PRKACA: variants seen among roughly 807,000 people sequenced by gnomAD.
PRKACA encodes the protein protein kinase cAMP-activated catalytic subunit alpha, also known as cAMP-dependent protein kinase catalytic subunit alpha.
In PRKACA, 9 loss-of-function variants were observed where a neutral mutation model predicts 45.8. The observed-to-expected ratio is 0.20, with a 90% CI of 0.12 to 0.34. The LOEUF (loss-of-function observed/expected upper bound fraction) is 0.34, where lower values mean the gene tolerates loss of function less well. Ranked by LOEUF, PRKACA falls within the 10% of genes least tolerant of loss-of-function variation. The pLI is 1.00. For missense variants in PRKACA, 238 were observed against 458.6 expected (o/e 0.52, Z 4.39); for synonymous variants, 160 against 178.6 (o/e 0.90, Z 0.83).
rs1967141845 is a variant in PRKACA, at chr19:14,117,721, C to G, written c.-174G>C. 5.2e-6 allele frequency: 1 copy of G among 191,508 alleles called. No homozygotes were observed. Among genetic ancestry groups the G allele is most frequent in the Admixed American group, 6.6e-5 (1 of 15,246 alleles). 11.9% of individuals were successfully genotyped at this position (191,508 alleles called of 1,614,324 possible). ...TGCTTCCCGCGTCTCTCCGCGCCCG[C>G]CCGCCCGGGAACCTCAGCCCAAGAT... On this transcript the variant is annotated 5_prime_UTR_variant, in exon 1 of 10. Coordinates refer to ENST00000308677, the MANE Select transcript of PRKACA (RefSeq NM_002730.4).
chr19:14,114,884 G>A (rs903801416), intron 1 of PRKACA, among the ~76,000 whole-genome samples: 8 of 152,156 alleles, frequency 5.3e-5, no homozygotes, highest in Non-Finnish European at 8.8e-5. Context: ...GGGACTGCAG[G>A]ATGCTTAACT....
chr19:14,102,471 A>G (rs983233006), intron 4 of PRKACA, among the ~76,000 whole-genome samples: 2 of 152,300 alleles, frequency 1.3e-5, no homozygotes, highest in East Asian at 3.9e-4. Flanking sequence ...GGGGCCACAC[A>G]TCAAGAAGTA....
chr19:14,114,141 G>T (rs1465072535), intron 1 of PRKACA: 2 of 1,611,568 alleles, frequency 1.2e-6, no homozygotes, highest in South Asian at 1.1e-5. Context: ...CACCATCGCT[G>T]GAGTTGGAAG....
chr19:14,097,277 A>T lies in PRKACA; in HGVS notation c.765+84T>A, dbSNP rs767060410. The T allele has an allele frequency of 1.9e-6, 3 of 1,597,790 alleles. No homozygotes were observed. The highest frequency in any genetic ancestry group is 3.3e-4 in the Middle Eastern group (2 of 6,022). On this transcript the variant is annotated intron_variant, in intron 8 of 9. Coordinates refer to ENST00000308677, the MANE Select transcript of PRKACA (RefSeq NM_002730.4). The surrounding 1 kb of genome is among the most constrained non-coding windows in gnomAD (Gnocchi z 5.4). The stretch of plus-strand genomic sequence containing the variant: ...GGAACTTCTAGATTATTCTGACAAC[A>T]AGCAGGGCTCCCCAGGGAATAGGAT...
intron 1 of PRKACA, among the ~76,000 whole-genome samples, chr19:14,110,879 G>A (rs1222689764): frequency 4.6e-5 from 7 of 152,216 alleles, no homozygotes; most frequent in Admixed American, 3.3e-4. Flanking sequence ...TGGTTTCAGT[G>A]CTGAGTCCAG....
rs41296270 is a variant in PRKACA, at chr19:14,106,170, CA to C, written c.237+589del. 2.4e-3 allele frequency among the ~76,000 whole-genome samples: 361 copies of C among 151,992 alleles called. 3 individuals carry two copies. The highest frequency in any genetic ancestry group is 7.7e-3 in the African/African-American group (318 of 41,436). On this transcript the variant is annotated intron_variant, in intron 3 of 9. Coordinates refer to ENST00000308677, the MANE Select transcript of PRKACA (RefSeq NM_002730.4). ...TTCAAGACCAGCCTGGGCAACACAG[CA>C]AGACCCCCTGTCTAAAACAAAAAAC... is the stretch of plus-strand genomic sequence containing the variant.
chr19:14,102,683 C>G, intron 4 of PRKACA, 133 bp downstream of exon 4: 2 of 766,398 alleles, frequency 2.6e-6, no homozygotes, highest in South Asian at 3.2e-5. Flanking sequence ...CCCTGATCTC[C>G]CTCCTCCAGG....
intron 1 of PRKACA, chr19:14,114,217 C>T (rs898670632): frequency 8.8e-6 from 14 of 1,585,262 alleles, no homozygotes; most frequent in South Asian, 1.1e-5. Context: ...TGAGACCTGC[C>T]GTGTCTGTTC....
rs1238814568 is a variant in PRKACA, at chr19:14,097,986, C to T, written c.420-96G>A. Reference sequence around the variant, plus strand: ...GAGCCTACCCCAGAGGAAGACACCTCCAGTCCAGCCGTCAGAAACGCAAGG... The same window carrying T: ...GAGCCTACCCCAGAGGAAGACACCTTCAGTCCAGCCGTCAGAAACGCAAGG... On this transcript the variant is annotated intron_variant, in intron 5 of 9. Transcript: ENST00000308677. The surrounding 1 kb of genome is among the most constrained non-coding windows in gnomAD (Gnocchi z 5.4). 6.7e-7 allele frequency: 1 copy of T among 1,495,508 alleles called. No homozygotes were observed. The highest frequency in any genetic ancestry group is 9.1e-7 in the Non-Finnish European group (1 of 1,095,666). The allele number at this position is 1,495,508 out of a possible 1,614,324, so 92.6% of individuals were successfully genotyped here. A position where few individuals can be genotyped will look rare whatever the true frequency, so the allele number is the denominator to read the frequency against.
At chr19:14,111,656 T>G (rs1752729483) in intron 1 of PRKACA, among the ~76,000 whole-genome samples, 1 of 152,122 alleles carries the variant, frequency 6.6e-6, no homozygotes, top group South Asian at 2.1e-4. Context: ...CCCAGGCTGG[T>G]CTCCAACTTC....
Position 14,092,677 on chromosome 19 carries a change from G to A in PRKACA, c.*435C>T, listed in dbSNP as rs2145739964. ...AGGAAGGTTGGCGCTTCGTTCATTT[G>A]CCCTTAGCAAGTGGGGCCTGTGGTT... On this transcript the variant is annotated 3_prime_UTR_variant, in exon 10 of 10. Transcript: ENST00000308677. 2.6e-6 allele frequency: 1 copy of A among 379,058 alleles called. No homozygotes were observed. Among genetic ancestry groups the A allele is most frequent in the African/African-American group, 2.1e-5 (1 of 48,390 alleles). 23.5% of individuals were successfully genotyped at this position (379,058 alleles called of 1,614,324 possible).
In PRKACA at chr19:14,107,340, A is replaced by G; in HGVS notation, c.108+8T>C. The stretch of plus-strand genomic sequence containing the variant: ...CCCCTCCCTGGGCTCTGCACCCGGC[A>G]GCCTTACCTGAGCGGGACTTTCCCA... On this transcript the variant is annotated splice_region_variant and intron_variant, in intron 2 of 9. Coordinates refer to ENST00000308677, the MANE Select transcript of PRKACA (RefSeq NM_002730.4). 1 of 1,613,504 alleles carries G rather than the reference A, an allele frequency of 6.2e-7. No homozygotes were observed. The highest frequency in any genetic ancestry group is 8.5e-7 in the Non-Finnish European group (1 of 1,179,530).
At chr19:14,110,904 C>G (rs1438109596) in intron 1 of PRKACA, among the ~76,000 whole-genome samples, 1 of 152,226 alleles carries the variant, frequency 6.6e-6, no homozygotes, top group Non-Finnish European at 1.5e-5. Context: ...CCAGGGTGGC[C>G]AATGTGGACA....
intron 2 of PRKACA, 35 bp downstream of exon 2, chr19:14,107,313 C>A: frequency 6.3e-7 from 1 of 1,590,216 alleles, no homozygotes; most frequent in Non-Finnish European, 8.6e-7. Flanking sequence ...GTTAGCAGCT[C>A]ACCCCTCCCT....
rs945467078 is a variant in PRKACA at position 14,092,738 on chromosome 19, A to G, written c.*374T>C. On this transcript the variant is annotated 3_prime_UTR_variant, in exon 10 of 10. Transcript: ENST00000308677. Reference sequence around the variant, plus strand: ...GGGGTGTGGGTGGGGGCTGGAGTTAAGCGTGAGCCCCTCTTTCCATACCCT... The same window carrying G: ...GGGGTGTGGGTGGGGGCTGGAGTTAGGCGTGAGCCCCTCTTTCCATACCCT... 1.7e-5 allele frequency: 7 copies of G among 408,960 alleles called. No homozygotes were observed. Among genetic ancestry groups the G allele is most frequent in the Non-Finnish European group, 3.0e-5 (7 of 231,022 alleles). The allele number at this position is 408,960 out of a possible 1,614,324, so 25.3% of individuals were successfully genotyped here. A position where few individuals can be genotyped will look rare whatever the true frequency, so the allele number is the denominator to read the frequency against.
At chr19:14,111,224 C>G (rs1966954370) in intron 1 of PRKACA, among the ~76,000 whole-genome samples, 1 of 152,140 alleles carries the variant, frequency 6.6e-6, no homozygotes, top group African/African-American at 2.4e-5. Context: ...ATGGAGAAAC[C>G]CTGTCTCTAC....
At position 14,097,097 on chromosome 19, in the gene PRKACA, T is replaced by G; in HGVS notation, c.765+264A>C. The G allele has an allele frequency of 4.1e-6, 2 of 491,658 alleles. No individual in the cohort carries two copies. Among genetic ancestry groups the G allele is most frequent in the Non-Finnish European group, 3.7e-6 (1 of 270,400 alleles). 30.5% of individuals were successfully genotyped at this position (491,658 alleles called of 1,614,324 possible). On this transcript the variant is annotated intron_variant, in intron 8 of 9. Coordinates refer to ENST00000308677, the MANE Select transcript of PRKACA (RefSeq NM_002730.4). This position sits in a 1 kb window ranked among gnomAD's most constrained non-coding sequence, Gnocchi z 5.4. The stretch of plus-strand genomic sequence containing the variant: ...AAGGAGGGTCGTCTGGCAGGGCGGT[T>G]TGTGTTCTGTGGCCAAGATGTTCCC...
intron 9 of PRKACA, 131 bp downstream of exon 9, chr19:14,093,497 C>G: frequency 3.2e-6 from 4 of 1,244,020 alleles, no homozygotes; most frequent in Admixed American, 2.4e-5. Flanking sequence ...TTTCTAGACC[C>G]CACTGCTCTA....
chr19:14,113,930 C>T (rs1345808778), intron 1 of PRKACA, among the ~76,000 whole-genome samples: 1 of 152,160 alleles, frequency 6.6e-6, no homozygotes, highest in African/African-American at 2.4e-5. Context: ...GGACCATCCT[C>T]CCTTGTCTGA....
Sources: allele counts gnomAD v4.1 joint callset (sites outside exome capture counted in the v4.1 genomes callset), GRCh38; gene constraint gnomAD v4.1.1; non-coding constraint Gnocchi (gnomAD v3.1); transcripts MANE v1.5; gene names NCBI Gene and HGNC (gene_info 2026-07-23, HGNC 2026-07-21).